Variants in SYBU observed in about 807,000 individuals in gnomAD.
SYBU encodes the protein syntabulin.
SYBU carries 21 observed loss-of-function variants against 35.9 expected under a neutral mutation model. The ratio of observed to expected loss-of-function variants is 0.58; its 90% CI spans 0.41 to 0.84. The LOEUF (loss-of-function observed/expected upper bound fraction) is 0.84, where lower values mean the gene tolerates loss of function less well. Among genes scored for constraint, SYBU ranks in the 40% least tolerant of loss-of-function variants. The pLI is 0.00. For missense variants in SYBU, 768 were observed against 848.2 expected (o/e 0.91, Z 1.17); for synonymous variants, 319 against 324.3 (o/e 0.98, Z 0.18).
rs184632516 is a variant in SYBU at position 109,663,999 on chromosome 8, T to C, written c.-129+16712A>G. 7.9e-5 allele frequency among the ~76,000 whole-genome samples: 12 copies of C among 152,314 alleles called. No homozygotes were observed. The East Asian group carries it at 2.3e-3, about 29-fold the overall frequency. On this transcript the variant is annotated intron_variant, in intron 1 of 5. Coordinates refer to the SYBU transcript ENST00000408889. ...AAATATGGTATGATCATTTGACACA[T>C]TAAGCTAAATAAACAGGTAATGACT...
At chr8:109,587,279 T>C (rs1823724189) in intron 3 of SYBU, among the ~76,000 whole-genome samples, 1 of 152,238 alleles carries the variant, frequency 6.6e-6, no homozygotes, top group South Asian at 2.1e-4. Context: ...TGGCTATTTA[T>C]TGAGTGTTTA....
chr8:109,674,159 C>G (rs1332217327), intron 1 of SYBU, among the ~76,000 whole-genome samples: 1 of 150,972 alleles, frequency 6.6e-6, no homozygotes, highest in African/African-American at 2.4e-5. Flanking sequence ...GGCAAACATT[C>G]AAATTCAGGA....
chr8:109,633,248 G>A (rs1813838873), intron 2 of SYBU, among the ~76,000 whole-genome samples: 1 of 152,140 alleles, frequency 6.6e-6, no homozygotes, highest in Admixed American at 6.5e-5. Flanking sequence ...TAAGAATTCT[G>A]AGAGTCACGT....
chr8:109,575,439 C>G lies in SYBU; in HGVS notation c.1459G>C (p.Ala487Pro). ...TAGGGCACCACGTCGGTCTGAACGG[C>G]TCGCTCCACCACCACACTGCCCTCC... ...QEEGSVVVER[A>P]VQTDVVPYSP... Residue 487 changes from alanine to proline, a missense_variant, in exon 7 of 7, where the codon GCC becomes CCC. Coordinates refer to ENST00000276646, the MANE Select transcript of SYBU (RefSeq NM_001099754.2). The G allele has an allele frequency of 6.2e-7, 1 of 1,614,128 alleles. No homozygotes were observed. The highest frequency in any genetic ancestry group is 8.5e-7 in the Non-Finnish European group (1 of 1,180,030).
At chr8:109,659,613 A>G (rs1030682668) in intron 1 of SYBU, among the ~76,000 whole-genome samples, 2 of 152,198 alleles carry the variant, frequency 1.3e-5, no homozygotes, top group Non-Finnish European at 2.9e-5. Context: ...CTCCCTCACC[A>G]CATTCATAAG....
At chr8:109,613,086 T>C (rs965820569) in intron 3 of SYBU, among the ~76,000 whole-genome samples, 1 of 152,140 alleles carries the variant, frequency 6.6e-6, no homozygotes, top group African/African-American at 2.4e-5. Context: ...ATTTTTATAT[T>C]TTCCCATCTC....
At chr8:109,640,079 T>A (rs535772632) in intron 2 of SYBU, among the ~76,000 whole-genome samples, 6 of 152,300 alleles carry the variant, frequency 3.9e-5, no homozygotes, top group African/African-American at 1.2e-4. Flanking sequence ...GGAAATCCTA[T>A]CTGCAGGCAG....
rs140325968 is a variant in SYBU at position 109,655,940 on chromosome 8, C to A, written c.-129+24771G>T. On this transcript the variant is annotated intron_variant, in intron 1 of 5. Coordinates refer to the SYBU transcript ENST00000408889. ...GACCAGCCTGGCCAACATGGGGAAA[C>A]CCCATCTCTACTAAAAATATAAAAA... Among the ~76,000 whole-genome samples the A allele has an allele frequency of 5.1e-3, 782 of 152,102 alleles. 5 individuals carry two copies. The highest frequency in any genetic ancestry group is 0.017 in the African/African-American group (702 of 41,498).
chr8:109,674,252 A>AG (rs2071696645), intron 1 of SYBU, among the ~76,000 whole-genome samples: 1 of 20,688 alleles, frequency 4.8e-5, no homozygotes, highest in African/African-American at 1.2e-4. Context: ...GGTTGAAATG[A>AG]AAAAAAAAAA....
upstream of SYBU, chr8:109,644,860 C>A: frequency 1.8e-6 from 1 of 551,912 alleles, no homozygotes; most frequent in South Asian, 2.5e-5. Flanking sequence ...CCCGGCCGGA[C>A]ACGTGGTGCC....
At chr8:109,581,254 T>C (rs562199858) in intron 4 of SYBU, among the ~76,000 whole-genome samples, 1 of 152,296 alleles carries the variant, frequency 6.6e-6, no homozygotes, top group African/African-American at 2.4e-5. Context: ...GCTGAATAAA[T>C]AAACCAGGTG....
rs1299844751 is a variant in SYBU at position 109,575,285 on chromosome 8, G to C, written c.1613C>G (p.Ala538Gly). ...TCTTGGAGTTAAATCAACCACTAAG[G>C]CAGAGAGGGACTCTGGGAAGCTCTC... ...SMESFPESLS[A>G]LVVDLTPRNP... The change falls in exon 7 of 7, where the codon GCC (alanine) becomes GGC (glycine). Residue 538 changes from alanine (A) to glycine (G), a missense_variant. Physicochemically the swap from Ala to Gly is moderately conservative, Grantham distance 60 (BLOSUM62 0). Transcript: ENST00000276646. The C allele has an allele frequency of 6.2e-7, 1 of 1,614,100 alleles. No homozygotes were observed. The highest frequency in any genetic ancestry group is 1.3e-5 in the African/African-American group (1 of 74,936).
intron 1 of SYBU, among the ~76,000 whole-genome samples, chr8:109,678,394 T>C (rs1241405256): frequency 6.6e-6 from 1 of 151,468 alleles, no homozygotes. Context: ...TACTTGATAT[T>C]GCTGTCTGGG....
chr8:109,681,490 C>T (rs967777313), upstream of SYBU, among the ~76,000 whole-genome samples: 2 of 152,080 alleles, frequency 1.3e-5, no homozygotes, highest in Non-Finnish European at 2.9e-5. Flanking sequence ...GAATGTAAAG[C>T]AGGGATTGCT....
At position 109,608,016 on chromosome 8, in the gene SYBU, C is replaced by T. The variant is rs571484806; in HGVS notation, c.427+10826G>A. 14 of 1,489,716 alleles carry T rather than the reference C, an allele frequency of 9.4e-6. No individual in the cohort carries two copies. In the African/African-American group the frequency reaches 1.7e-4, roughly 18 times the overall value. The allele number at this position is 1,489,716 out of a possible 1,614,324, so 92.3% of individuals were successfully genotyped here. On this transcript the variant is annotated intron_variant, in intron 3 of 6. Transcript: ENST00000276646. ...TTGCAGAAATACAGTGTGTGCAGCT[C>T]ATATCTCAGTAGAGTACAGTCTCAG...
intron 1 of SYBU, 181 bp from the exon 2 acceptor site, chr8:109,643,113 C>A (rs1013679728): frequency 1.5e-6 from 2 of 1,337,516 alleles, no homozygotes; most frequent in Non-Finnish European, 1.9e-6. Flanking sequence ...ATGAGTTAAC[C>A]TTTCTAATCT....
upstream of SYBU, among the ~76,000 whole-genome samples, chr8:109,649,729 A>C (rs1207751379): frequency 6.6e-6 from 1 of 152,212 alleles, no homozygotes; most frequent in South Asian, 2.1e-4. Context: ...ATATTTGTCA[A>C]AAACATAGGC....
rs905405986 is a variant in SYBU at position 109,691,561 on chromosome 8, G to C, written c.-286C>G. Reference sequence around the variant, plus strand: ...TGCGCTCCGGTGCCCTCGGCCCCTCGGCCTCTGCAGCCAGCCGGGCGGCTG... The same window carrying C: ...TGCGCTCCGGTGCCCTCGGCCCCTCCGCCTCTGCAGCCAGCCGGGCGGCTG... On this transcript the variant is annotated 5_prime_UTR_variant, in exon 1 of 8. Transcript: ENST00000422135. The surrounding 1 kb of genome is among the most constrained non-coding windows in gnomAD (Gnocchi z 4.7). 9.0e-6 allele frequency: 4 copies of C among 446,624 alleles called. No homozygotes were observed. The highest frequency in any genetic ancestry group is 6.2e-5 in the African/African-American group (3 of 48,174). The allele number at this position is 446,624 out of a possible 1,614,324, so 27.7% of individuals were successfully genotyped here. A position where few individuals can be genotyped will look rare whatever the true frequency, so the allele number is the denominator to read the frequency against.
At chr8:109,678,590 G>A (rs994965389) in intron 1 of SYBU, among the ~76,000 whole-genome samples, 14 of 151,726 alleles carry the variant, frequency 9.2e-5, no homozygotes, top group African/African-American at 1.9e-4. Flanking sequence ...ACAGGTGTGC[G>A]CCACCATGCC....
Sources: allele counts gnomAD v4.1 joint callset (sites outside exome capture counted in the v4.1 genomes callset), GRCh38; gene constraint gnomAD v4.1.1; non-coding constraint Gnocchi (gnomAD v3.1); transcripts MANE v1.5; gene names NCBI Gene and HGNC (gene_info 2026-07-23, HGNC 2026-07-21).